LPIN2: variants seen among roughly 807,000 people sequenced by gnomAD.
LPIN2 encodes the protein lipin 2, also known as phosphatidate phosphatase LPIN2.
LPIN2 carries 55 observed loss-of-function variants against 111.4 expected under a neutral mutation model. That is an observed-to-expected ratio of 0.49 (90% CI 0.40 to 0.62). LPIN2 has a LOEUF of 0.62. Among genes scored for constraint, LPIN2 ranks in the 20% least tolerant of loss-of-function variants. LPIN2 has a pLI of 0.00. For missense variants in LPIN2, 992 were observed against 1,112.1 expected (o/e 0.89, Z 1.54); for synonymous variants, 425 against 414.0 (o/e 1.03, Z -0.32).
intron 18 of LPIN2, 98 bp from the exon 19 acceptor site, chr18:2,920,979 CGACAGA>C (rs2077045246): frequency 1.2e-6 from 1 of 838,368 alleles, no homozygotes; most frequent in Non-Finnish European, 2.1e-6. Flanking sequence ...CAGACAGACT[CGACAGA>C]AAACATGCGG....
chr18:2,978,752 T>C (rs1290230250), intron 1 of LPIN2, among the ~76,000 whole-genome samples: 1 of 152,248 alleles, frequency 6.6e-6, no homozygotes, highest in Non-Finnish European at 1.5e-5. Context: ...TATTTTCTTT[T>C]GAAAGCTCCA....
intron 4 of LPIN2, chr18:2,950,177 C>T (rs1009167197): frequency 6.6e-6 from 1 of 152,146 alleles, no homozygotes; most frequent in Non-Finnish European, 1.5e-5. Context: ...GCAAATAAAA[C>T]ACATACCAGA....
At chr18:2,922,010 G>A in intron 17 of LPIN2, 37 bp downstream of exon 17, 1 of 1,599,084 alleles carries the variant, frequency 6.3e-7, no homozygotes, top group Non-Finnish European at 8.5e-7. Context: ...CCCACATGCT[G>A]GGGCGGTGGG....
At chr18:2,999,091 TA>T (rs1945133264) in intron 1 of LPIN2, among the ~76,000 whole-genome samples, 1 of 152,230 alleles carries the variant, frequency 6.6e-6, no homozygotes. Flanking sequence ...GACATCCTGT[TA>T]AACCCAGAGG....
At chr18:2,974,383 A>G (rs2077974137) in intron 1 of LPIN2, among the ~76,000 whole-genome samples, 1 of 152,118 alleles carries the variant, frequency 6.6e-6, no homozygotes, top group African/African-American at 2.4e-5. Flanking sequence ...CTGGGCTTCT[A>G]CTGGTATTGT....
chr18:2,938,243 G>A (rs1598541619), intron 6 of LPIN2, among the ~76,000 whole-genome samples: 1 of 152,020 alleles, frequency 6.6e-6, no homozygotes. Context: ...AAATGTTCTG[G>A]CCGGGCACAG....
At chr18:2,950,303 G>A (rs1410518324) in intron 4 of LPIN2, 2 of 152,152 alleles carry the variant, frequency 1.3e-5, no homozygotes, top group African/African-American at 2.4e-5. Context: ...AGGAAGTAGG[G>A]TGTGACCTCT....
At position 2,922,172 on chromosome 18, in the gene LPIN2, C is replaced by T. The variant is rs559418917; in HGVS notation, c.2202G>A (p.Ser734=). 2.8e-5 allele frequency: 45 copies of T among 1,613,894 alleles called. 1 individual carries two copies. In the East Asian group the frequency reaches 5.1e-4, roughly 18 times the overall value. Residue 734 remains serine (S), a synonymous_variant, in exon 17 of 20, where the codon TCG becomes TCA. Coordinates refer to ENST00000677752, the MANE Select transcript of LPIN2 (RefSeq NM_001375808.2). ...TGTCGGCCATGCCGATGGCACGAGC[C>T]GAGCAGTACAGAAACTTGTAGCCAT... The part of the protein sequence containing the change: ...NENGYKFLYC[S]ARAIGMADMT...
At chr18:2,995,729 T>C (rs1427502850) in intron 1 of LPIN2, among the ~76,000 whole-genome samples, 1 of 152,242 alleles carries the variant, frequency 6.6e-6, no homozygotes, top group Non-Finnish European at 1.5e-5. Flanking sequence ...GGCTTCTGGC[T>C]ATTTCCAAAA....
Position 2,938,047 on chromosome 18 carries a change from T to G in LPIN2, c.823-10A>C. The G allele has an allele frequency of 6.3e-7, 1 of 1,598,062 alleles. No individual in the cohort carries two copies. Among genetic ancestry groups the G allele is most frequent in the Non-Finnish European group, 8.6e-7 (1 of 1,167,242 alleles). ...GTTCTCTTTTGCTGACCTAAAAAAG[T>G]TAAATTGTTTAAAAATTAAACTACT... is the stretch of plus-strand genomic sequence containing the variant. On this transcript the variant is annotated splice_polypyrimidine_tract_variant and intron_variant, in intron 6 of 19. Transcript: ENST00000677752.
intron 1 of LPIN2, among the ~76,000 whole-genome samples, chr18:2,988,012 C>CAAAAAAAAAAAAAAAAAAAAA (rs761121515): frequency 6.2e-5 from 2 of 32,342 alleles, no homozygotes; most frequent in Non-Finnish European, 1.3e-4. Flanking sequence ...GAGACTGTCT[C>CAAAAAAAAAAAAAAAAAAAAA]AAAAAAAAAA....
At chr18:2,988,012 C>CAAAAAAAAAAAAAAAAAAAA (rs761121515) in intron 1 of LPIN2, among the ~76,000 whole-genome samples, 2 of 32,348 alleles carry the variant, frequency 6.2e-5, no homozygotes, top group Non-Finnish European at 1.3e-4. Context: ...GAGACTGTCT[C>CAAAAAAAAAAAAAAAAAAAA]AAAAAAAAAA....
chr18:2,922,927 G>A (rs1403941367), intron 16 of LPIN2, among the ~76,000 whole-genome samples: 1 of 152,112 alleles, frequency 6.6e-6, no homozygotes, highest in Admixed American at 6.5e-5. Context: ...CCAGGTAACT[G>A]ACATATTCGT....
At chr18:2,920,558 T>A in intron 19 of LPIN2, 121 bp from the exon 20 acceptor site, 1 of 1,056,730 alleles carries the variant, frequency 9.5e-7, no homozygotes. Flanking sequence ...GAGGCAGGCC[T>A]CAGTCCCATC....
intron 1 of LPIN2, among the ~76,000 whole-genome samples, chr18:2,992,388 T>C (rs2078278729): frequency 6.6e-6 from 1 of 152,096 alleles, no homozygotes; most frequent in Non-Finnish European, 1.5e-5. Context: ...AAAAGGTAGA[T>C]TAGAGGTTAC....
intron 1 of LPIN2, among the ~76,000 whole-genome samples, chr18:2,994,344 C>T (rs990297721): frequency 2.6e-5 from 4 of 152,234 alleles, no homozygotes; most frequent in Non-Finnish European, 4.4e-5. Context: ...CAGACCTGTG[C>T]CCTGGTCAGT....
At chr18:2,951,004 A>G in intron 4 of LPIN2, 51 bp downstream of exon 4, 1 of 1,605,804 alleles carries the variant, frequency 6.2e-7, no homozygotes, top group African/African-American at 1.3e-5. Flanking sequence ...TCCTGGCTTC[A>G]CATGAACTCT....
chr18:2,944,332 A>AATTTT (rs1568548486), intron 4 of LPIN2, among the ~76,000 whole-genome samples: 1 of 106,300 alleles, frequency 9.4e-6, no homozygotes, highest in Non-Finnish European at 1.9e-5. Context: ...ATTTCCACAA[A>AATTTT]CTTTTTTTTT....
chr18:2,960,384 T>A (rs980766732), intron 2 of LPIN2, among the ~76,000 whole-genome samples: 2 of 152,086 alleles, frequency 1.3e-5, no homozygotes, highest in African/African-American at 4.8e-5. Flanking sequence ...TGTAAGATTA[T>A]TATAATAATT....
Sources: gnomAD v4.1 joint callset for allele counts (sites outside exome capture counted in the v4.1 genomes callset) on GRCh38, gnomAD v4.1.1 for gene constraint, MANE v1.5 for transcripts, NCBI Gene and HGNC (gene_info 2026-07-23, HGNC 2026-07-21) for gene names.